Variants in SCAI observed in about 807,000 individuals in gnomAD.
SCAI encodes suppressor of cancer cell invasion, also known as protein SCAI.
In SCAI, 24 loss-of-function variants were observed where a neutral mutation model predicts 92.2. The ratio of observed to expected loss-of-function variants is 0.26; its 90% CI spans 0.19 to 0.37. The LOEUF (loss-of-function observed/expected upper bound fraction) is 0.37, where lower values mean the gene tolerates loss of function less well. Among genes scored for constraint, SCAI ranks in the 10% least tolerant of loss-of-function variants. The pLI is 1.00. For synonymous variants in SCAI, 261 were observed against 258.6 expected (o/e 1.01, Z -0.09); for missense variants, 450 against 736.2 (o/e 0.61, Z 4.50).
chr9:125,056,298 T>C (rs1833664526), intron 2 of SCAI, among the ~76,000 whole-genome samples: 1 of 152,040 alleles, frequency 6.6e-6, no homozygotes, highest in Admixed American at 6.6e-5. Context: ...AAAGCTTGTC[T>C]CTACTAAAAA....
chr9:125,001,894 G>C, intron 12 of SCAI, 71 bp downstream of exon 12: 1 of 1,074,036 alleles, frequency 9.3e-7, no homozygotes, highest in South Asian at 1.3e-5. Context: ...TGTGGGCTAC[G>C]GGCCATCGTC....
chr9:125,001,152 G>T (rs1188462279), intron 12 of SCAI, among the ~76,000 whole-genome samples: 1 of 152,062 alleles, frequency 6.6e-6, no homozygotes, highest in Non-Finnish European at 1.5e-5. Context: ...AAAAATCACT[G>T]CAATGAAAAG....
At chr9:125,100,626 A>G (rs932259774) in intron 2 of SCAI, among the ~76,000 whole-genome samples, 2 of 152,222 alleles carry the variant, frequency 1.3e-5, no homozygotes, top group Admixed American at 6.5e-5. Context: ...TTGGACTAAA[A>G]TAAGTTACCT....
intron 2 of SCAI, among the ~76,000 whole-genome samples, chr9:125,109,126 A>C (rs1834879707): frequency 6.6e-6 from 1 of 152,176 alleles, no homozygotes; most frequent in Admixed American, 6.5e-5. Flanking sequence ...GGGCAGTGCA[A>C]GATGTGCTTT....
At chr9:125,004,376 T>A (rs1458964094) in intron 9 of SCAI, among the ~76,000 whole-genome samples, 1 of 150,644 alleles carries the variant, frequency 6.6e-6, no homozygotes, top group Non-Finnish European at 1.5e-5. Context: ...TTGCCCAGGC[T>A]GGAGTGCAGT....
intron 2 of SCAI, among the ~76,000 whole-genome samples, chr9:125,074,481 C>T (rs59842227): frequency 0.23 from 34,586 of 148,358 alleles, 4,536 homozygotes; most frequent in Non-Finnish European, 0.3. Context: ...TGGTCTCGAA[C>T]TCCTGACCTC....
intron 17 of SCAI, 89 bp from the exon 18 acceptor site, chr9:124,953,042 A>G: frequency 1.9e-6 from 2 of 1,040,220 alleles, no homozygotes; most frequent in African/African-American, 1.6e-5. Context: ...AGTAATATGT[A>G]TTTTCACTTT....
chr9:125,023,561 G>C (rs539263985), intron 6 of SCAI, among the ~76,000 whole-genome samples: 82 of 152,130 alleles, frequency 5.4e-4, no homozygotes, highest in African/African-American at 1.9e-3. Context: ...TATACAACCA[G>C]CAAACCTTCT....
intron 9 of SCAI, 85 bp downstream of exon 9, chr9:125,018,713 AT>A: frequency 8.5e-7 from 1 of 1,171,042 alleles, no homozygotes; most frequent in Non-Finnish European, 1.2e-6. Flanking sequence ...GGATGTTAGG[AT>A]ATTTATAAGA....
chr9:125,143,387 G>C lies in SCAI; in HGVS notation c.51C>G (p.Pro17=). ...QPQQPRSRLA[P]RLTGTVEKPP... is the part of the protein sequence containing the mutation. The stretch of plus-strand genomic sequence containing the variant: ...CGGCCTCCACCCAGCCCCCGCACCT[G>C]GGGGCCAGGCGACTCCGCGGCTGCT... Residue 17 remains proline, a splice_region_variant and synonymous_variant, in exon 1 of 18, where the codon CCC becomes CCG. Coordinates refer to ENST00000336505, the MANE Select transcript of SCAI (RefSeq NM_001144877.3). 4 of 1,376,808 alleles carry C rather than the reference G, an allele frequency of 2.9e-6. No individual in the cohort carries two copies. The South Asian group carries it at 4.9e-5, about 17-fold the overall frequency. The allele number at this position is 1,376,808 out of a possible 1,614,324, so 85.3% of individuals were successfully genotyped here. A position where few individuals can be genotyped will look rare whatever the true frequency, so the allele number is the denominator to read the frequency against.
At chr9:124,986,662 C>T (rs1291396753) in intron 14 of SCAI, among the ~76,000 whole-genome samples, 1 of 152,200 alleles carries the variant, frequency 6.6e-6, no homozygotes, top group African/African-American at 2.4e-5. Flanking sequence ...CTCCAACCTA[C>T]CACCTCAGGA....
chr9:125,110,991 T>G (rs1364977098), intron 2 of SCAI, among the ~76,000 whole-genome samples: 1 of 152,154 alleles, frequency 6.6e-6, no homozygotes, highest in Non-Finnish European at 1.5e-5. Flanking sequence ...CAAACTTTTC[T>G]AGAGAAAAAG....
At chr9:124,985,958 A>C (rs1354446559) in intron 14 of SCAI, among the ~76,000 whole-genome samples, 7 of 152,116 alleles carry the variant, frequency 4.6e-5, no homozygotes, top group Non-Finnish European at 7.4e-5. Flanking sequence ...TTAAGTTTGA[A>C]GAAATAAGAA....
intron 2 of SCAI, among the ~76,000 whole-genome samples, chr9:125,119,203 G>T (rs1835109769): frequency 6.6e-6 from 1 of 152,108 alleles, no homozygotes; most frequent in Admixed American, 6.6e-5. Context: ...TTTGTGGCAG[G>T]TAATATCATT....
At chr9:124,962,174 G>GGT (rs1564358566) in intron 17 of SCAI, among the ~76,000 whole-genome samples, 4 of 142,962 alleles carry the variant, frequency 2.8e-5, no homozygotes, top group African/African-American at 5.2e-5. Flanking sequence ...TTTTTTTGCG[G>GGT]GGGGGGATGG....
intron 4 of SCAI, among the ~76,000 whole-genome samples, chr9:125,028,696 A>ATTTTATATTT (rs1554782045): frequency 6.6e-6 from 1 of 152,062 alleles, no homozygotes; most frequent in Admixed American, 6.6e-5. Context: ...GCCAATAAAC[A>ATTTTATATTT]TATATTTTAG....
At chr9:125,099,044 G>C (rs974765629) in intron 2 of SCAI, among the ~76,000 whole-genome samples, 3 of 152,060 alleles carry the variant, frequency 2.0e-5, no homozygotes, top group Non-Finnish European at 4.4e-5. Context: ...TTTAAAAACA[G>C]ATTTACTTGT....
intron 2 of SCAI, among the ~76,000 whole-genome samples, chr9:125,083,793 TCA>T (rs1464747484): frequency 2.0e-5 from 3 of 152,100 alleles, no homozygotes; most frequent in Non-Finnish European, 4.4e-5. Context: ...ATATCTGCTT[TCA>T]CAGAGTGTAC....
At chr9:125,125,909 T>C (rs866808422) in intron 2 of SCAI, among the ~76,000 whole-genome samples, 19 of 137,992 alleles carry the variant, frequency 1.4e-4, no homozygotes, top group Admixed American at 2.9e-4. Context: ...TGCGTACACG[T>C]ACACACACAC....
Sources: allele counts gnomAD v4.1 joint callset (sites outside exome capture counted in the v4.1 genomes callset), GRCh38; gene constraint gnomAD v4.1.1; transcripts MANE v1.5; gene names NCBI Gene and HGNC (gene_info 2026-07-23, HGNC 2026-07-21).